PARD6B: variants seen among roughly 807,000 people sequenced by gnomAD.
PARD6B encodes the protein par-6 family cell polarity regulator beta.
In PARD6B, 4 loss-of-function variants were observed where a neutral mutation model predicts 10.5. The ratio of observed to expected loss-of-function variants is 0.38; its 90% CI spans 0.19 to 0.87. The LOEUF (loss-of-function observed/expected upper bound fraction) is 0.87, where lower values mean the gene tolerates loss of function less well. PARD6B is among the 40% of genes least tolerant of loss of function. The probability of loss-of-function intolerance (pLI) is 0.41; values close to 1 mark genes in which losing one functional copy is unlikely to be tolerated. For synonymous variants in PARD6B, 169 were observed against 170.4 expected (o/e 0.99, Z 0.07); for missense variants, 396 against 470.6 (o/e 0.84, Z 1.47).
chr20:50,744,044 C>G (rs1279154365), intron 2 of PARD6B, among the ~76,000 whole-genome samples: 1 of 151,254 alleles, frequency 6.6e-6, no homozygotes, highest in Non-Finnish European at 1.5e-5. Flanking sequence ...TCAGATTTGT[C>G]TCCCCATTTC....
chr20:50,741,995 G>C (rs988127766), intron 2 of PARD6B, among the ~76,000 whole-genome samples: 1 of 152,116 alleles, frequency 6.6e-6, no homozygotes, highest in Non-Finnish European at 1.5e-5. Flanking sequence ...CACATTTTCT[G>C]TTTGCTTTTT....
At chr20:50,745,177 C>T (rs2087559627) in intron 2 of PARD6B, among the ~76,000 whole-genome samples, 1 of 152,152 alleles carries the variant, frequency 6.6e-6, no homozygotes, top group African/African-American at 2.4e-5. Context: ...CGCCTGTAAT[C>T]CCAGCACTTT....
chr20:50,738,165 ACTT>A, intron 2 of PARD6B, 86 bp downstream of exon 2: 1 of 907,828 alleles, frequency 1.1e-6, no homozygotes, highest in Non-Finnish European at 1.6e-6. Context: ...TTTGCCACAA[ACTT>A]AGTGAATAAA....
At chr20:50,739,389 C>T (rs1318183147) in intron 2 of PARD6B, among the ~76,000 whole-genome samples, 5 of 151,664 alleles carry the variant, frequency 3.3e-5, no homozygotes, top group East Asian at 1.9e-4. Context: ...TGCAGTGAGC[C>T]GAGATCGTAC....
chr20:50,753,146 A>C lies in PARD6B; in HGVS notation c.*2658A>C. On this transcript the variant is annotated 3_prime_UTR_variant, in exon 3 of 3. Coordinates refer to ENST00000371610, the MANE Select transcript of PARD6B (RefSeq NM_032521.3). ...TACTTCAGGGCTTGACTTTTTGTAC[A>C]AATTTTAACTGTAAAATACAGATTT... 2.0e-6 allele frequency: 2 copies of C among 985,386 alleles called. No individual in the cohort carries two copies. The highest frequency in any genetic ancestry group is 9.4e-5 in the South Asian group (2 of 21,274). 61.0% of individuals were successfully genotyped at this position (985,386 alleles called of 1,614,324 possible). A position where few individuals can be genotyped will look rare whatever the true frequency, so the allele number is the denominator to read the frequency against.
Position 50,751,906 on chromosome 20 carries a change from G to T in PARD6B, c.*1418G>T. ...TTTAGTAGAGATGGAGTTTCACCAT[G>T]TTGGTCAGGTGGGTCTCAAACTCCT... is the stretch of plus-strand genomic sequence containing the variant. On this transcript the variant is annotated 3_prime_UTR_variant, in exon 3 of 3. Transcript: ENST00000371610. The T allele has an allele frequency of 4.5e-6, 4 of 884,832 alleles. No homozygotes were observed. Among genetic ancestry groups the T allele is most frequent in the Non-Finnish European group, 4.1e-6 (3 of 738,642 alleles). The allele number at this position is 884,832 out of a possible 1,614,324, so 54.8% of individuals were successfully genotyped here.
chr20:50,736,737 G>A (rs890262538), intron 1 of PARD6B, among the ~76,000 whole-genome samples: 2 of 142,598 alleles, frequency 1.4e-5, no homozygotes, highest in Non-Finnish European at 3.0e-5. Context: ...GTCTTGCTCT[G>A]TTGCCCAGGC....
chr20:50,750,270 A>AC lies in PARD6B; in HGVS notation c.901_902insC (p.Asn301ThrfsTer13). The AC allele has an allele frequency of 6.2e-7, 1 of 1,614,230 alleles. No individual in the cohort carries two copies. Among genetic ancestry groups the AC allele is most frequent in the Non-Finnish European group, 8.5e-7 (1 of 1,180,052 alleles). On this transcript the variant is annotated frameshift_variant, in exon 3 of 3. Coordinates refer to ENST00000371610, the MANE Select transcript of PARD6B (RefSeq NM_032521.3). LOFTEE classifies it low-confidence loss of function (END_TRUNC). ...AGAAGATGACATTATCATTGAAGAC[A>AC]ATGGAGTGCCACAGCAGATTCCAAA...
At chr20:50,737,485 G>C (rs748178421) in intron 1 of PARD6B, among the ~76,000 whole-genome samples, 2 of 152,154 alleles carry the variant, frequency 1.3e-5, no homozygotes, top group Non-Finnish European at 2.9e-5. Context: ...TAAGGACTTG[G>C]ACAAGTCTTT....
Position 50,751,273 on chromosome 20 carries a change from G to C in PARD6B, c.*785G>C. The C allele has an allele frequency of 1.1e-6, 1 of 947,840 alleles. No homozygotes were observed. Among genetic ancestry groups the C allele is most frequent in the Non-Finnish European group, 1.2e-6 (1 of 810,728 alleles). The allele number at this position is 947,840 out of a possible 1,614,324, so 58.7% of individuals were successfully genotyped here. A position where few individuals can be genotyped will look rare whatever the true frequency, so the allele number is the denominator to read the frequency against. On this transcript the variant is annotated 3_prime_UTR_variant, in exon 3 of 3. Coordinates refer to ENST00000371610, the MANE Select transcript of PARD6B (RefSeq NM_032521.3). ...CCATGCCCAGCCTATTTTGATTTTTGTTTTTTTATGTTCCTTTCTAATAAA... is the reference window on the plus strand; with the variant it reads ...CCATGCCCAGCCTATTTTGATTTTTCTTTTTTTATGTTCCTTTCTAATAAA...
intron 2 of PARD6B, among the ~76,000 whole-genome samples, chr20:50,746,160 T>G (rs2123706270): frequency 6.6e-6 from 1 of 152,200 alleles, no homozygotes; most frequent in African/African-American, 2.4e-5. Context: ...TACCCTTTGC[T>G]CTGAATGTGT....
chr20:50,736,052 A>T (rs1478696507), intron 1 of PARD6B, among the ~76,000 whole-genome samples: 1 of 152,242 alleles, frequency 6.6e-6, no homozygotes, highest in Non-Finnish European at 1.5e-5. Context: ...AGCCTTAGGT[A>T]TGAGTCACCT....
At chr20:50,742,591 C>G (rs2087536936) in intron 2 of PARD6B, among the ~76,000 whole-genome samples, 1 of 151,946 alleles carries the variant, frequency 6.6e-6, no homozygotes, top group South Asian at 2.1e-4. Flanking sequence ...GTCTCAAACT[C>G]CTGACCTCAG....
chr20:50,739,475 T>C (rs990445677), intron 2 of PARD6B, among the ~76,000 whole-genome samples: 3 of 151,894 alleles, frequency 2.0e-5, no homozygotes, highest in Admixed American at 2.0e-4. Context: ...CTTGAGAGAA[T>C]GGGTGGGGAT....
At chr20:50,742,817 T>C (rs1268460053) in intron 2 of PARD6B, among the ~76,000 whole-genome samples, 1 of 152,182 alleles carries the variant, frequency 6.6e-6, no homozygotes, top group Non-Finnish European at 1.5e-5. Flanking sequence ...TTTAAGATAG[T>C]GTTGTTGGAT....
rs1426575318 is a variant in PARD6B at position 50,750,326 on chromosome 20, A to G, written c.957A>G (p.Ser319=). ...KAVPNTESLE[S]LTQIELSFES... ...TTCCTAATACTGAGAGCCTGGAGTCATTAACACAGATAGAGCTAAGCTTTG... is the reference window on the plus strand; with the variant it reads ...TTCCTAATACTGAGAGCCTGGAGTCGTTAACACAGATAGAGCTAAGCTTTG... The change falls in exon 3 of 3, where the codon TCA becomes TCG. Residue 319 remains serine (S), a synonymous_variant. Coordinates refer to ENST00000371610, the MANE Select transcript of PARD6B (RefSeq NM_032521.3). 2.5e-6 allele frequency: 4 copies of G among 1,614,120 alleles called. No individual in the cohort carries two copies. The highest frequency in any genetic ancestry group is 2.7e-5 in the African/African-American group (2 of 74,938).
At position 50,752,331 on chromosome 20, in the gene PARD6B, CA is replaced by C. The variant is rs5841810; in HGVS notation, c.*1857del. The stretch of plus-strand genomic sequence containing the variant: ...GGACAAACTTGTGCACTTTTTATGC[CA>C]AAAAAAAAAAAAATTGGGTTTTCCT... On this transcript the variant is annotated 3_prime_UTR_variant, in exon 3 of 3. Transcript: ENST00000371610. 0.53 allele frequency: 468,057 copies of C among 881,690 alleles called. 58,387 individuals carry two copies. Among genetic ancestry groups the C allele is most frequent in the Admixed American group, 0.74 (11,668 of 15,682 alleles). The allele number at this position is 881,690 out of a possible 1,614,324, so 54.6% of individuals were successfully genotyped here. A position where few individuals can be genotyped will look rare whatever the true frequency, so the allele number is the denominator to read the frequency against.
chr20:50,745,169 C>T (rs1314261502), intron 2 of PARD6B, among the ~76,000 whole-genome samples: 1 of 152,186 alleles, frequency 6.6e-6, no homozygotes, highest in Admixed American at 6.5e-5. Context: ...GTGGCTCACG[C>T]CTGTAATCCC....
At chr20:50,745,099 A>G (rs1173523986) in intron 2 of PARD6B, among the ~76,000 whole-genome samples, 1 of 152,202 alleles carries the variant, frequency 6.6e-6, no homozygotes, top group Non-Finnish European at 1.5e-5. Context: ...AAATTTGAAT[A>G]TCTAATTTGC....
Sources: gnomAD v4.1 joint callset for allele counts (sites outside exome capture counted in the v4.1 genomes callset) on GRCh38, gnomAD v4.1.1 for gene constraint, MANE v1.5 for transcripts, NCBI Gene and HGNC (gene_info 2026-07-23, HGNC 2026-07-21) for gene names.